PUM2: variants seen among roughly 807,000 people sequenced by gnomAD.
The protein encoded by PUM2 is pumilio RNA binding family member 2.
PUM2 carries 57 observed loss-of-function variants against 124.5 expected under a neutral mutation model. The ratio of observed to expected loss-of-function variants is 0.46; its 90% CI spans 0.37 to 0.57. The LOEUF (loss-of-function observed/expected upper bound fraction) is 0.57, where lower values mean the gene tolerates loss of function less well. PUM2 is among the 20% of genes least tolerant of loss of function. The pLI is 0.00. For synonymous variants in PUM2, 460 were observed against 446.1 expected, an observed-to-expected ratio of 1.03 and a Z score of -0.39; for missense variants, 1,065 against 1,290.6, an observed-to-expected ratio of 0.83 and a Z score of 2.68.
At chr2:20,266,263 C>A (rs1366882953) in intron 13 of PUM2, among the ~76,000 whole-genome samples, 1 of 151,940 alleles carries the variant, frequency 6.6e-6, no homozygotes, top group Non-Finnish European at 1.5e-5. Flanking sequence ...GGCAACATGG[C>A]AAAACCCCAT....
Position 20,250,390 on chromosome 2 carries a change from T to C in PUM2, c.*1195A>G, listed in dbSNP as rs149108625. 105 of 152,714 alleles carry C rather than the reference T, an allele frequency of 6.9e-4. 1 individual carries two copies. The highest frequency in any genetic ancestry group is 2.5e-3 in the African/African-American group (102 of 41,594). The allele number at this position is 152,714 out of a possible 1,614,324, so 9.5% of individuals were successfully genotyped here. A position where few individuals can be genotyped will look rare whatever the true frequency, so the allele number is the denominator to read the frequency against. On this transcript the variant is annotated 3_prime_UTR_variant, in exon 21 of 21. Transcript: ENST00000361078. ...AGAGGGCAGGGACGTAAATGTACAC[T>C]AAAATGCAAATGTATCCCAAAGAGA... is the stretch of plus-strand genomic sequence containing the variant.
rs569055572 is a variant in PUM2 at position 20,305,304 on chromosome 2, G to A, written c.883+2674C>T. 2.0e-5 allele frequency among the ~76,000 whole-genome samples: 3 copies of A among 151,774 alleles called. No homozygotes were observed. The East Asian group carries it at 5.8e-4, about 29-fold the overall frequency. On this transcript the variant is annotated intron_variant, in intron 7 of 20. Coordinates refer to ENST00000361078, the MANE Select transcript of PUM2 (RefSeq NM_015317.5). Reference sequence around the variant, plus strand: ...GTTCGAGACCAGCCTGGACAATAGGGTGAATCCCCGTCTCTACAAAAAATT... The same window carrying A: ...GTTCGAGACCAGCCTGGACAATAGGATGAATCCCCGTCTCTACAAAAAATT...
intron 5 of PUM2, among the ~76,000 whole-genome samples, chr2:20,311,230 T>C (rs1043027962): frequency 6.6e-6 from 1 of 152,092 alleles, no homozygotes; most frequent in African/African-American, 2.4e-5. Context: ...TAGACTATTA[T>C]ATTACCAGAA....
At chr2:20,341,818 G>A (rs1475339835) in intron 1 of PUM2, among the ~76,000 whole-genome samples, 1 of 152,066 alleles carries the variant, frequency 6.6e-6, no homozygotes, top group Non-Finnish European at 1.5e-5. Flanking sequence ...ACCTCACCAA[G>A]GAAAAACAAC....
At chr2:20,256,740 A>G (rs2148449990) in intron 16 of PUM2, among the ~76,000 whole-genome samples, 1 of 152,238 alleles carries the variant, frequency 6.6e-6, no homozygotes, top group Middle Eastern at 3.4e-3. Context: ...CTTTTATAAA[A>G]TGCTCTTATA....
chr2:20,348,358 AT>A (rs1228482410), intron 1 of PUM2, among the ~76,000 whole-genome samples: 1 of 152,180 alleles, frequency 6.6e-6, no homozygotes, highest in African/African-American at 2.4e-5. Flanking sequence ...ATATCTGTAA[AT>A]TTTAAGAATA....
intron 20 of PUM2, among the ~76,000 whole-genome samples, chr2:20,252,684 G>A (rs1164686627): frequency 6.6e-6 from 1 of 152,118 alleles, no homozygotes; most frequent in Non-Finnish European, 1.5e-5. Flanking sequence ...ATTCTAGGAG[G>A]AGGATACAGA....
chr2:20,335,005 T>TG (rs1195770175), intron 1 of PUM2, among the ~76,000 whole-genome samples: 3 of 152,116 alleles, frequency 2.0e-5, no homozygotes, highest in Non-Finnish European at 4.4e-5. Context: ...TAGAGTACAG[T>TG]GGGGCAATCA....
intron 1 of PUM2, among the ~76,000 whole-genome samples, chr2:20,336,743 C>A (rs1686146960): frequency 8.0e-6 from 1 of 125,134 alleles, no homozygotes; most frequent in Non-Finnish European, 1.6e-5. Context: ...GTTGCCCAGG[C>A]TGATCTGTGT....
chr2:20,314,254 A>G (rs912448311), intron 3 of PUM2, among the ~76,000 whole-genome samples: 1 of 152,222 alleles, frequency 6.6e-6, no homozygotes, highest in African/African-American at 2.4e-5. Context: ...ACTCACGACT[A>G]TAACGCTATA....
At chr2:20,258,205 T>C in intron 16 of PUM2, 38 bp downstream of exon 16, 3 of 1,509,792 alleles carry the variant, frequency 2.0e-6, no homozygotes, top group Non-Finnish European at 2.7e-6. Context: ...AAAAATTGAA[T>C]AAAATAATAC....
intron 15 of PUM2, 74 bp downstream of exon 15, chr2:20,260,263 C>T (rs1665853185): frequency 1.4e-6 from 2 of 1,389,108 alleles, no homozygotes; most frequent in South Asian, 1.7e-5. Flanking sequence ...CTTTACCCAA[C>T]TTTCAGAGCT....
chr2:20,327,165 G>C, intron 2 of PUM2, 145 bp downstream of exon 2: 1 of 601,856 alleles, frequency 1.7e-6, no homozygotes, highest in South Asian at 2.1e-5. Flanking sequence ...CAACAGAATT[G>C]TACAATCTGA....
At chr2:20,320,947 G>A (rs1188429341) in intron 2 of PUM2, among the ~76,000 whole-genome samples, 2 of 152,056 alleles carry the variant, frequency 1.3e-5, no homozygotes, top group Non-Finnish European at 2.9e-5. Context: ...ACTTCATGAA[G>A]AAAAAAGTCT....
chr2:20,297,767 G>A, intron 7 of PUM2, 89 bp from the exon 8 acceptor site: 1 of 1,354,642 alleles, frequency 7.4e-7, no homozygotes. Flanking sequence ...TGAATCTGGG[G>A]TGGTGTGGGG....
intron 8 of PUM2, among the ~76,000 whole-genome samples, chr2:20,296,144 A>G (rs1675475786): frequency 6.6e-6 from 1 of 152,226 alleles, no homozygotes; most frequent in Non-Finnish European, 1.5e-5. Flanking sequence ...CGTAGCTAAG[A>G]TATCAAATAT....
chr2:20,311,383 G>C, intron 5 of PUM2, 111 bp downstream of exon 5: 1 of 1,251,766 alleles, frequency 8.0e-7, no homozygotes, highest in Non-Finnish European at 1.1e-6. Flanking sequence ...TTAACACAAA[G>C]TTCAAAGGAA....
At chr2:20,291,849 A>T (rs561341613) in intron 9 of PUM2, among the ~76,000 whole-genome samples, 1 of 152,264 alleles carries the variant, frequency 6.6e-6, no homozygotes, top group South Asian at 2.1e-4. Flanking sequence ...TGGTGACCAT[A>T]CCGTTTGCAA....
At chr2:20,261,499 T>TA (rs1341783678) in intron 14 of PUM2, among the ~76,000 whole-genome samples, 2 of 150,968 alleles carry the variant, frequency 1.3e-5, no homozygotes, top group African/African-American at 4.9e-5. Context: ...GTATACTTTT[T>TA]ATTGTTATTT....
Sources: gnomAD v4.1 joint callset for allele counts (sites outside exome capture counted in the v4.1 genomes callset) on GRCh38, gnomAD v4.1.1 for gene constraint, MANE v1.5 for transcripts, NCBI Gene and HGNC (gene_info 2026-07-23, HGNC 2026-07-21) for gene names.